The following KANK1 variants were observed in gnomAD, a reference collection of about 807,000 sequenced individuals.
KANK1 encodes KN motif and ankyrin repeat domain-containing protein 1.
Under a neutral mutation model 106.2 loss-of-function variants are expected in KANK1, and 109 were observed. The ratio of observed to expected loss-of-function variants is 1.03; its 90% CI spans 0.88 to 1.20. The LOEUF (loss-of-function observed/expected upper bound fraction) is 1.20. KANK1 is among the 50% of genes most tolerant of loss of function. KANK1 has a pLI of 0.00. For missense variants in KANK1, 2,399 were observed against 1,710.7 expected (o/e 1.40, Z -7.10); for synonymous variants, 873 against 652.2 (o/e 1.34, Z -5.16).
intron 1 of KANK1, among the ~76,000 whole-genome samples, chr9:647,175 C>T (rs1156607984): frequency 6.6e-6 from 1 of 150,894 alleles, no homozygotes; most frequent in African/African-American, 2.5e-5. Context: ...GGATTTAAGC[C>T]TTCTGTATAA....
intron 1 of KANK1, among the ~76,000 whole-genome samples, chr9:669,869 T>A (rs1382560535): frequency 1.3e-5 from 2 of 152,148 alleles, no homozygotes; most frequent in Non-Finnish European, 2.9e-5. Flanking sequence ...TTAGATTTGG[T>A]CTTTTAAGGT....
At chr9:693,290 C>A in intron 2 of KANK1, 1 of 712,318 alleles carries the variant, frequency 1.4e-6, no homozygotes, top group Non-Finnish European at 1.7e-6. Flanking sequence ...TCATTTCCTT[C>A]ACAAGCCAGC....
chr9:492,841 A>G lies in KANK1; in HGVS notation c.-362+19568A>G, dbSNP rs182181331. Among the ~76,000 whole-genome samples, 993 of 152,128 alleles carry G rather than the reference A, an allele frequency of 6.5e-3. 14 individuals carry two copies. The highest frequency in any genetic ancestry group is 0.023 in the African/African-American group (936 of 41,508). ...GGAATTCGAGACCAGCCTGACCAAC[A>G]TGGAGAAATCCTGTCTCTACTAAAA... On this transcript the variant is annotated intron_variant, in intron 3 of 15. Transcript: ENST00000382303.
At chr9:537,517 CT>C (rs1048823952) in intron 1 of KANK1, among the ~76,000 whole-genome samples, 2 of 151,994 alleles carry the variant, frequency 1.3e-5, no homozygotes, top group South Asian at 2.1e-4. Context: ...TGGGGGGGCT[CT>C]TTTTTTCTCT....
chr9:712,546 A>G lies in KANK1; in HGVS notation c.1780A>G (p.Ser594Gly). 1.2e-6 allele frequency: 2 copies of G among 1,614,164 alleles called. No individual in the cohort carries two copies. Among genetic ancestry groups the G allele is most frequent in the Non-Finnish European group, 1.7e-6 (2 of 1,180,030 alleles). Residue 594 changes from serine to glycine, a missense_variant, in exon 3 of 12, where the codon AGT becomes GGT. Coordinates refer to ENST00000382297, the MANE Select transcript of KANK1 (RefSeq NM_015158.5). ...TGTGGAAATGTGTGACAAGAGTGTG[A>G]GTGTGGAAGTCAGCGTCTGCGAAAC... ...RSVEMCDKSVSVEVSVCETGS... is the reference protein window; with the variant it reads ...RSVEMCDKSVGVEVSVCETGS...
At chr9:662,436 G>A (rs9407341) in intron 1 of KANK1, among the ~76,000 whole-genome samples, 1 of 151,936 alleles carries the variant, frequency 6.6e-6, no homozygotes, top group Non-Finnish European at 1.5e-5. Context: ...ATACTACAAG[G>A]CTTCGGTAAC....
chr9:626,904 G>A (rs764303361), intron 1 of KANK1, among the ~76,000 whole-genome samples: 2 of 151,930 alleles, frequency 1.3e-5, no homozygotes, highest in Admixed American at 6.6e-5. Context: ...AAGACAGGCG[G>A]CTGCTATTGG....
chr9:527,341 G>T (rs776828018), intron 1 of KANK1, among the ~76,000 whole-genome samples: 4 of 151,562 alleles, frequency 2.6e-5, no homozygotes, highest in African/African-American at 7.3e-5. Flanking sequence ...CACTCTTGTC[G>T]CCCTGGCTGG....
Position 742,398 on chromosome 9 carries a change from A to G in KANK1, c.3890A>G (p.Glu1297Gly). The change falls in exon 10 of 12, where the codon GAG (glutamate) becomes GGG (glycine). Residue 1297 changes from glutamate to glycine, a missense_variant. Glu to Gly is a moderately conservative substitution (Grantham distance 98). Transcript: ENST00000382297. ...LAQPGCNGHL[E>G]DNDGSTALSI... ...CAGCCCGGCTGCAACGGTCACCTAG[A>G]GGACAACGTAAGCTGTCTCCATTGG... is the stretch of plus-strand genomic sequence containing the variant. The G allele has an allele frequency of 6.2e-7, 1 of 1,612,518 alleles. No individual in the cohort carries two copies. The highest frequency in any genetic ancestry group is 1.1e-5 in the South Asian group (1 of 90,850).
chr9:711,752 C>G lies in KANK1; in HGVS notation c.986C>G (p.Ala329Gly). The change falls in exon 3 of 12, where the codon GCC becomes GGC. Residue 329 changes from alanine to glycine, a missense_variant. Coordinates refer to ENST00000382297, the MANE Select transcript of KANK1 (RefSeq NM_015158.5). ...VRKRSYSAGN[A>G]SQLEQLSRAR... ...AAGCGGTCCTATAGTGCGGGGAACG[C>G]CTCCCAGCTGGAACAGCTCTCCCGG... is the stretch of plus-strand genomic sequence containing the variant. The G allele has an allele frequency of 1.2e-6, 2 of 1,614,196 alleles. No homozygotes were observed. The highest frequency in any genetic ancestry group is 1.7e-6 in the Non-Finnish European group (2 of 1,180,032).
At chr9:722,665 T>A (rs1829661850) in intron 3 of KANK1, among the ~76,000 whole-genome samples, 1 of 152,182 alleles carries the variant, frequency 6.6e-6, no homozygotes, top group Admixed American at 6.5e-5. Context: ...CAAAGAACAT[T>A]TTCTGGCAAT....
chr9:579,453 T>G (rs1821458659), intron 1 of KANK1, among the ~76,000 whole-genome samples: 1 of 152,196 alleles, frequency 6.6e-6, no homozygotes, highest in Non-Finnish European at 1.5e-5. Flanking sequence ...GTGTTGTCCC[T>G]GCTTCTCTCA....
chr9:631,687 A>C (rs552619080), intron 1 of KANK1, among the ~76,000 whole-genome samples: 4 of 152,190 alleles, frequency 2.6e-5, no homozygotes, highest in Non-Finnish European at 4.4e-5. Context: ...ATAAAGTCCA[A>C]CTGTTTAGCT....
intron 1 of KANK1, among the ~76,000 whole-genome samples, chr9:532,897 C>A (rs1457497197): frequency 6.6e-6 from 1 of 152,074 alleles, no homozygotes; most frequent in East Asian, 1.9e-4. Context: ...GTATAATAAA[C>A]CTTGTGTACA....
At chr9:527,069 G>A (rs2059823876) in intron 1 of KANK1, among the ~76,000 whole-genome samples, 1 of 151,678 alleles carries the variant, frequency 6.6e-6, no homozygotes, top group African/African-American at 2.4e-5. Context: ...TGTTTTGAGT[G>A]CTTGTTTTAA....
chr9:710,059 G>C (rs1486175972), intron 2 of KANK1, among the ~76,000 whole-genome samples: 1 of 152,168 alleles, frequency 6.6e-6, no homozygotes, highest in African/African-American at 2.4e-5. Flanking sequence ...CTACAAAAGT[G>C]GGGAAAGAGG....
intron 1 of KANK1, among the ~76,000 whole-genome samples, chr9:507,199 A>G (rs1012274931): frequency 6.6e-5 from 10 of 151,736 alleles, no homozygotes; most frequent in Non-Finnish European, 1.3e-4. Flanking sequence ...CAAAAAAAAT[A>G]AAAAATAACC....
intron 3 of KANK1, among the ~76,000 whole-genome samples, chr9:475,021 C>G (rs1052134766): frequency 6.6e-6 from 1 of 152,080 alleles, no homozygotes; most frequent in Non-Finnish European, 1.5e-5. Flanking sequence ...ATGGTTGTTA[C>G]ACCGTCTCTC....
intron 2 of KANK1, among the ~76,000 whole-genome samples, chr9:688,052 C>T (rs1407898205): frequency 6.6e-6 from 1 of 152,168 alleles, no homozygotes; most frequent in African/African-American, 2.4e-5. Flanking sequence ...AGGCCCAGCA[C>T]CTGCCTAAGA....
Sources: gnomAD v4.1 joint callset for allele counts (sites outside exome capture counted in the v4.1 genomes callset) on GRCh38, gnomAD v4.1.1 for gene constraint, MANE v1.5 for transcripts, NCBI Gene and HGNC (gene_info 2026-07-23, HGNC 2026-07-21) for gene names.